RALYL: variants seen among roughly 807,000 people sequenced by gnomAD.
The protein encoded by RALYL is RNA-binding Raly-like protein.
Under a neutral mutation model 35.1 loss-of-function variants are expected in RALYL, and 29 were observed. The ratio of observed to expected loss-of-function variants is 0.83; its 90% CI spans 0.61 to 1.13. The LOEUF is 1.13. Ranked by LOEUF, RALYL falls within the 50% of genes most tolerant of loss-of-function variation. The probability of loss-of-function intolerance (pLI) is 0.00; values close to 1 mark genes in which losing one functional copy is unlikely to be tolerated. For synonymous variants in RALYL, 120 were observed against 127.6 expected (o/e 0.94, Z 0.40); for missense variants, 359 against 360.4 (o/e 1.00, Z 0.03).
intron 8 of RALYL, among the ~76,000 whole-genome samples, chr8:84,904,401 T>C (rs1846152423): frequency 6.6e-6 from 1 of 152,162 alleles, no homozygotes; most frequent in African/African-American, 2.4e-5. Flanking sequence ...ATTAAAACAA[T>C]GTGATTTTTA....
At chr8:84,255,606 A>AT (rs910671822) in intron 1 of RALYL, among the ~76,000 whole-genome samples, 3 of 151,656 alleles carry the variant, frequency 2.0e-5, no homozygotes, top group African/African-American at 2.4e-5. Context: ...AGAGTCTGAC[A>AT]TTTTTTTTAA....
chr8:84,410,198 T>G (rs2043960488), intron 1 of RALYL, among the ~76,000 whole-genome samples: 1 of 151,966 alleles, frequency 6.6e-6, no homozygotes, highest in African/African-American at 2.4e-5. Context: ...TGCTTTCTTT[T>G]TTGTTCACAG....
At position 84,820,162 on chromosome 8, in the gene RALYL, A is replaced by G. The variant is rs144499754; in HGVS notation, c.365+15360A>G. On this transcript the variant is annotated intron_variant, in intron 4 of 8. Transcript: ENST00000521268. The stretch of plus-strand genomic sequence containing the variant: ...ATGTTGTTAAAATTGTAACTTAAAT[A>G]TTCTCTAAATAATCTAACTGTACCC... Among the ~76,000 whole-genome samples, 835 of 152,304 alleles carry G rather than the reference A, an allele frequency of 5.5e-3. 5 individuals carry two copies. The highest frequency in any genetic ancestry group is 0.019 in the African/African-American group (785 of 41,562).
At chr8:84,636,946 A>G (rs970891645) in intron 2 of RALYL, among the ~76,000 whole-genome samples, 2 of 151,868 alleles carry the variant, frequency 1.3e-5, no homozygotes, top group Non-Finnish European at 2.9e-5. Flanking sequence ...GTTTATGTTG[A>G]TGTTCTAACT....
At chr8:84,665,838 T>G (rs1324320657) in intron 2 of RALYL, 1 of 152,056 alleles carries the variant, frequency 6.6e-6, no homozygotes, top group Non-Finnish European at 1.5e-5. Context: ...CACTTCAGTT[T>G]TAGTATATGT....
intron 3 of RALYL, among the ~76,000 whole-genome samples, chr8:84,800,676 C>A (rs1823031224): frequency 6.6e-6 from 1 of 152,120 alleles, no homozygotes; most frequent in Non-Finnish European, 1.5e-5. Flanking sequence ...GAAACAATTA[C>A]CTTGTAAAAA....
At chr8:84,512,001 G>A (rs147299594) in intron 1 of RALYL, among the ~76,000 whole-genome samples, 24 of 152,168 alleles carry the variant, frequency 1.6e-4, no homozygotes, top group African/African-American at 5.3e-4. Context: ...TGCAGTAGAC[G>A]TGGGGATACA....
At chr8:84,435,441 C>T (rs2047609692) in intron 1 of RALYL, among the ~76,000 whole-genome samples, 1 of 151,994 alleles carries the variant, frequency 6.6e-6, no homozygotes. Context: ...TCTCCAAAAA[C>T]AACACTAAAT....
chr8:84,840,678 A>C (rs539384708), intron 4 of RALYL, among the ~76,000 whole-genome samples: 1 of 152,320 alleles, frequency 6.6e-6, no homozygotes, highest in African/African-American at 2.4e-5. Context: ...GATTCACCAA[A>C]TTTGAAATGA....
intron 1 of RALYL, among the ~76,000 whole-genome samples, chr8:84,258,537 G>A (rs553554329): frequency 6.6e-6 from 1 of 151,856 alleles, no homozygotes; most frequent in South Asian, 2.1e-4. Flanking sequence ...TAAACAAGTT[G>A]CAGTATTTGA....
intron 1 of RALYL, among the ~76,000 whole-genome samples, chr8:84,444,531 T>C (rs912918360): frequency 3.9e-5 from 6 of 152,010 alleles, no homozygotes; most frequent in African/African-American, 1.2e-4. Flanking sequence ...AGAGAAATGG[T>C]TAGGTATGCA....
chr8:84,324,252 C>G (rs1056805535), intron 1 of RALYL, among the ~76,000 whole-genome samples: 4 of 152,004 alleles, frequency 2.6e-5, no homozygotes, highest in African/African-American at 9.7e-5. Flanking sequence ...TTGTATCAAC[C>G]AACTGTTTTG....
chr8:84,446,431 G>A lies in RALYL; in HGVS notation c.-23-82868G>A, dbSNP rs575498521. Among the ~76,000 whole-genome samples the A allele has an allele frequency of 2.6e-5, 4 of 152,070 alleles. No individual in the cohort carries two copies. The South Asian group carries it at 8.3e-4, about 32-fold the overall frequency. ...TCGTTATATTCATGGATCTAGCTCTGGAAGGGCTTTTTAGGGTTATTTCAA... is the reference window on the plus strand; with the variant it reads ...TCGTTATATTCATGGATCTAGCTCTAGAAGGGCTTTTTAGGGTTATTTCAA... On this transcript the variant is annotated intron_variant, in intron 1 of 8. Coordinates refer to ENST00000521268, the MANE Select transcript of RALYL (RefSeq NM_173848.7).
intron 2 of RALYL, among the ~76,000 whole-genome samples, chr8:84,670,954 G>A (rs911947936): frequency 2.6e-5 from 4 of 152,128 alleles, no homozygotes; most frequent in African/African-American, 9.7e-5. Flanking sequence ...ACAGTTCAAA[G>A]TCTCATCTGA....
intron 1 of RALYL, among the ~76,000 whole-genome samples, chr8:84,225,298 T>C (rs1823606148): frequency 6.6e-6 from 1 of 152,212 alleles, no homozygotes; most frequent in Admixed American, 6.5e-5. Context: ...AGCTGGACTT[T>C]CATGTTTACA....
At chr8:84,316,045 A>G (rs1422439806) in intron 1 of RALYL, among the ~76,000 whole-genome samples, 2 of 152,132 alleles carry the variant, frequency 1.3e-5, no homozygotes, top group Non-Finnish European at 2.9e-5. Flanking sequence ...ACTTTGGGGT[A>G]AAAGTGTCTT....
intron 2 of RALYL, among the ~76,000 whole-genome samples, chr8:84,648,848 A>C (rs955575521): frequency 6.6e-6 from 1 of 151,358 alleles, no homozygotes. Context: ...ATCTTAACAA[A>C]AGTGATACAG....
intron 2 of RALYL, among the ~76,000 whole-genome samples, chr8:84,612,534 C>T (rs889950340): frequency 8.5e-5 from 13 of 152,058 alleles, no homozygotes; most frequent in South Asian, 6.2e-4. Flanking sequence ...GAAAATAGAT[C>T]CAGCCTGTTA....
chr8:84,434,413 G>A (rs987153650), intron 1 of RALYL, among the ~76,000 whole-genome samples: 6 of 151,982 alleles, frequency 3.9e-5, no homozygotes, highest in Non-Finnish European at 7.4e-5. Flanking sequence ...CTTAGCTAAG[G>A]AACTACCTTT....
Sources: gnomAD v4.1 joint callset for allele counts (sites outside exome capture counted in the v4.1 genomes callset) on GRCh38, gnomAD v4.1.1 for gene constraint, MANE v1.5 for transcripts, NCBI Gene and HGNC (gene_info 2026-07-23, HGNC 2026-07-21) for gene names.